The following CNTNAP4 variants were observed in gnomAD, a reference collection of about 807,000 sequenced individuals.
CNTNAP4 encodes the protein contactin associated protein family member 4.
In CNTNAP4, 98 loss-of-function variants were observed where a neutral mutation model predicts 148.4. The ratio of observed to expected loss-of-function variants is 0.66; its 90% confidence interval spans 0.56 to 0.78. The LOEUF is 0.78. Among genes scored for constraint, CNTNAP4 ranks in the 30% least tolerant of loss-of-function variants. The pLI is 0.00. For missense variants in CNTNAP4, 1,935 were observed against 1,565.6 expected (o/e 1.24, Z -3.98); for synonymous variants, 730 against 565.1 (o/e 1.29, Z -4.14).
intron 2 of CNTNAP4, among the ~76,000 whole-genome samples, chr16:76,339,722 T>G (rs529676176): frequency 7.2e-5 from 11 of 152,352 alleles, no homozygotes; most frequent in Non-Finnish European, 5.9e-5. Flanking sequence ...TTTCTCTGAA[T>G]TTGGCCATAT....
chr16:76,558,733 A>G lies in CNTNAP4; in HGVS notation c.*50A>G. The G allele has an allele frequency of 7.1e-7, 1 of 1,410,192 alleles. No homozygotes were observed. Among genetic ancestry groups the G allele is most frequent in the Non-Finnish European group, 9.7e-7 (1 of 1,030,084 alleles). 87.4% of individuals were successfully genotyped at this position (1,410,192 alleles called of 1,614,324 possible). On this transcript the variant is annotated 3_prime_UTR_variant, in exon 24 of 24. Transcript: ENST00000611870. ...ATTATGATAGTTTGTTTTAATAGCC[A>G]GGGGTTCTCAATGGAAAAACGAATG...
At chr16:76,337,879 C>G (rs1413568250) in intron 2 of CNTNAP4, among the ~76,000 whole-genome samples, 1 of 152,188 alleles carries the variant, frequency 6.6e-6, no homozygotes, top group Non-Finnish European at 1.5e-5. Flanking sequence ...AAATATGGCT[C>G]TATTCTGCCT....
chr16:76,459,598 C>T (rs762419143), intron 8 of CNTNAP4, among the ~76,000 whole-genome samples: 6 of 152,088 alleles, frequency 3.9e-5, no homozygotes, highest in Non-Finnish European at 5.9e-5. Flanking sequence ...AGAAATTCTT[C>T]GGGAAAATAA....
At chr16:76,480,744 GA>G (rs1424299274) in intron 12 of CNTNAP4, among the ~76,000 whole-genome samples, 1 of 151,696 alleles carries the variant, frequency 6.6e-6, no homozygotes, top group African/African-American at 2.4e-5. Context: ...CTCAAAAAAA[GA>G]AAAAAATATG....
intron 1 of CNTNAP4, among the ~76,000 whole-genome samples, chr16:76,315,227 G>C (rs1210640494): frequency 6.6e-6 from 1 of 151,934 alleles, no homozygotes; most frequent in Non-Finnish European, 1.5e-5. Flanking sequence ...CATGTCTCCT[G>C]GTGCACAAAT....
intron 1 of CNTNAP4, among the ~76,000 whole-genome samples, chr16:76,303,839 T>A (rs188673287): frequency 6.6e-6 from 1 of 152,198 alleles, no homozygotes. Context: ...TTTACTTTCT[T>A]TTTAAGTAAT....
intron 3 of CNTNAP4, among the ~76,000 whole-genome samples, chr16:76,358,982 A>G (rs1007169136): frequency 2.5e-4 from 38 of 152,162 alleles, no homozygotes; most frequent in African/African-American, 8.2e-4. Flanking sequence ...CTCTAAAGGA[A>G]GCTCTCTGTG....
chr16:76,366,816 A>C (rs1398420752), intron 3 of CNTNAP4, among the ~76,000 whole-genome samples: 2 of 152,198 alleles, frequency 1.3e-5, no homozygotes, highest in African/African-American at 4.8e-5. Flanking sequence ...CAAGAAACAA[A>C]AAAAGAACTA....
intron 2 of CNTNAP4, among the ~76,000 whole-genome samples, chr16:76,325,019 G>A (rs1485790594): frequency 1.3e-5 from 2 of 152,108 alleles, no homozygotes; most frequent in Non-Finnish European, 2.9e-5. Flanking sequence ...ACATACCTGA[G>A]AGAAACCAAG....
chr16:76,327,388 GT>G (rs922312992), intron 2 of CNTNAP4, among the ~76,000 whole-genome samples: 6 of 152,058 alleles, frequency 3.9e-5, no homozygotes, highest in Admixed American at 1.3e-4. Flanking sequence ...TGGTTTTGTT[GT>G]TTTTTTATGG....
At chr16:76,481,886 G>A (rs1009331191) in intron 12 of CNTNAP4, among the ~76,000 whole-genome samples, 2 of 152,148 alleles carry the variant, frequency 1.3e-5, no homozygotes, top group Admixed American at 1.3e-4. Context: ...TGGGGCGTAG[G>A]AAGAGAGGAG....
intron 7 of CNTNAP4, among the ~76,000 whole-genome samples, chr16:76,451,900 CAAAG>C (rs946035909): frequency 5.3e-5 from 8 of 151,982 alleles, no homozygotes; most frequent in East Asian, 3.9e-4. Flanking sequence ...GTTCTCAACA[CAAAG>C]AAAAGATAAA....
intron 13 of CNTNAP4, 53 bp from the exon 14 acceptor site, chr16:76,494,857 A>G: frequency 6.5e-7 from 1 of 1,527,518 alleles, no homozygotes. Flanking sequence ...ATATTGGGAG[A>G]GAAGGTGGTG....
intron 4 of CNTNAP4, among the ~76,000 whole-genome samples, chr16:76,434,774 G>A (rs901385410): frequency 5.9e-5 from 9 of 152,160 alleles, no homozygotes; most frequent in Non-Finnish European, 7.3e-5. Context: ...TGGAGGTTCC[G>A]CCAGCTGCTA....
chr16:76,355,673 A>G (rs2012509123), intron 3 of CNTNAP4, among the ~76,000 whole-genome samples, 162 bp downstream of exon 3: 1 of 152,132 alleles, frequency 6.6e-6, no homozygotes, highest in South Asian at 2.1e-4. Context: ...TTTCCAATAC[A>G]TTTTATGGTA....
chr16:76,521,988 C>G, intron 16 of CNTNAP4, 51 bp from the exon 17 acceptor site: 1 of 1,533,456 alleles, frequency 6.5e-7, no homozygotes, highest in East Asian at 2.3e-5. Flanking sequence ...GGAGACTCGG[C>G]ACTTCGCCAT....
chr16:76,486,500 C>T (rs1177631058), intron 12 of CNTNAP4, among the ~76,000 whole-genome samples: 1 of 151,740 alleles, frequency 6.6e-6, no homozygotes, highest in East Asian at 1.9e-4. Flanking sequence ...TGCTTGTCTA[C>T]AGACAAGACA....
intron 3 of CNTNAP4, among the ~76,000 whole-genome samples, chr16:76,368,564 A>T (rs921043014): frequency 6.6e-6 from 1 of 152,128 alleles, no homozygotes; most frequent in Non-Finnish European, 1.5e-5. Flanking sequence ...CAGCAAACCA[A>T]CACAGGAACA....
chr16:76,398,967 TG>T (rs2078307302), intron 3 of CNTNAP4, among the ~76,000 whole-genome samples: 2 of 152,144 alleles, frequency 1.3e-5, no homozygotes, highest in South Asian at 2.1e-4. Flanking sequence ...AATTGAATTA[TG>T]GGGCAGTTTT....
Sources: gnomAD v4.1 joint callset for allele counts (sites outside exome capture counted in the v4.1 genomes callset) on GRCh38, gnomAD v4.1.1 for gene constraint, MANE v1.5 for transcripts, NCBI Gene and HGNC (gene_info 2026-07-23, HGNC 2026-07-21) for gene names.